LMBRD1: variants seen among roughly 807,000 people sequenced by gnomAD.
The protein encoded by LMBRD1 is lysosomal cobalamin transport escort protein LMBD1.
Under a neutral mutation model 74.8 loss-of-function variants are expected in LMBRD1, and 64 were observed. The ratio of observed to expected loss-of-function variants is 0.86; its 90% CI spans 0.70 to 1.05. The LOEUF is 1.05. Ranked by LOEUF, LMBRD1 falls within the 50% of genes least tolerant of loss-of-function variation. The pLI is 0.00. For missense variants in LMBRD1, 652 were observed against 645.9 expected, an observed-to-expected ratio of 1.01 and a Z score of -0.10; for synonymous variants, 204 against 216.3, an observed-to-expected ratio of 0.94 and a Z score of 0.50.
intron 2 of LMBRD1, among the ~76,000 whole-genome samples, chr6:69,783,329 G>A (rs1205871363): frequency 6.6e-6 from 1 of 152,146 alleles, no homozygotes; most frequent in Admixed American, 6.5e-5. Context: ...TGCTTCTTTA[G>A]TGATTACTTC....
At chr6:69,679,599 G>C (rs1012297003) in intron 14 of LMBRD1, among the ~76,000 whole-genome samples, 2 of 151,994 alleles carry the variant, frequency 1.3e-5, no homozygotes, top group Non-Finnish European at 2.9e-5. Context: ...ATTGAAATCT[G>C]ACAAGATTCC....
Position 69,675,797 on chromosome 6 carries a change from G to A in LMBRD1, c.*361C>T. On this transcript the variant is annotated 3_prime_UTR_variant, in exon 16 of 16. Transcript: ENST00000649934. ...CTTTAAAATTCCACATCACTCTGGA[G>A]AACCTAAGGCACAGATACAGATGAT... 1 of 234,400 alleles carries A rather than the reference G, an allele frequency of 4.3e-6. No individual in the cohort carries two copies. Among genetic ancestry groups the A allele is most frequent in the Non-Finnish European group, 8.5e-6 (1 of 118,038 alleles). The allele number at this position is 234,400 out of a possible 1,614,324, so 14.5% of individuals were successfully genotyped here. A position where few individuals can be genotyped will look rare whatever the true frequency, so the allele number is the denominator to read the frequency against.
chr6:69,768,999 T>C (rs1015975710), intron 3 of LMBRD1, among the ~76,000 whole-genome samples: 3 of 152,142 alleles, frequency 2.0e-5, no homozygotes, highest in Non-Finnish European at 4.4e-5. Flanking sequence ...TAACAATGAT[T>C]TGTCCAGGTC....
chr6:69,708,328 T>A (rs994643779), intron 9 of LMBRD1, among the ~76,000 whole-genome samples: 10 of 152,300 alleles, frequency 6.6e-5, no homozygotes, highest in Middle Eastern at 3.4e-3. Flanking sequence ...ATGGTAGGAT[T>A]TAAGAACTTC....
intron 2 of LMBRD1, among the ~76,000 whole-genome samples, chr6:69,782,512 T>C (rs995353782): frequency 6.6e-6 from 1 of 152,078 alleles, no homozygotes. Flanking sequence ...GGCAGGTGGA[T>C]TGCTTGAGGT....
rs563697548 is a variant in LMBRD1 at position 69,781,911 on chromosome 6, T to C, written c.247-1357A>G. Among the ~76,000 whole-genome samples the C allele has an allele frequency of 2.6e-5, 4 of 152,256 alleles. No homozygotes were observed. The South Asian group carries it at 8.3e-4, about 32-fold the overall frequency. On this transcript the variant is annotated intron_variant, in intron 2 of 15. Coordinates refer to ENST00000649934, the MANE Select transcript of LMBRD1 (RefSeq NM_018368.4). The stretch of plus-strand genomic sequence containing the variant: ...ATTAACATATTGATTCTAAAAATCA[T>C]CTGACAAAACAAGCTAGGGCCAGAA...
chr6:69,709,790 T>C (rs886743393), intron 9 of LMBRD1, among the ~76,000 whole-genome samples: 4 of 152,144 alleles, frequency 2.6e-5, no homozygotes, highest in Admixed American at 1.3e-4. Context: ...TTAAACAACA[T>C]AATTTGCAAG....
rs1447883153 is a variant in LMBRD1, at chr6:69,796,982, G to A, written c.-101C>T. 9.8e-7 allele frequency: 1 copy of A among 1,017,072 alleles called. No homozygotes were observed. Among genetic ancestry groups the A allele is most frequent in the Non-Finnish European group, 1.5e-6 (1 of 666,706 alleles). 63.0% of individuals were successfully genotyped at this position (1,017,072 alleles called of 1,614,324 possible). ...TATACTGCACCCGCGCACCCTAAAG[G>A]TTAAAGGGGCGGAGGGGGAGGAGCA... On this transcript the variant is annotated 5_prime_UTR_variant, in exon 1 of 16. Transcript: ENST00000649934.
intron 14 of LMBRD1, among the ~76,000 whole-genome samples, chr6:69,684,973 G>A (rs1411315490): frequency 1.3e-5 from 2 of 152,084 alleles, no homozygotes; most frequent in African/African-American, 4.8e-5. Flanking sequence ...TTCTACAAAT[G>A]TTTAAGGGAG....
intron 3 of LMBRD1, among the ~76,000 whole-genome samples, chr6:69,754,345 T>C (rs1765227842): frequency 6.6e-6 from 1 of 152,218 alleles, no homozygotes; most frequent in African/African-American, 2.4e-5. Flanking sequence ...AATTACTTAT[T>C]GTGTTGGAAG....
rs1015699912 is a variant in LMBRD1, at chr6:69,736,130, T to C, written c.636+1812A>G. On this transcript the variant is annotated intron_variant, in intron 7 of 15. Coordinates refer to ENST00000649934, the MANE Select transcript of LMBRD1 (RefSeq NM_018368.4). ...CTCATAGTATCTACCAATTGACCAC[T>C]GGGAGACACATCTCCACGCATCTTT... is the stretch of plus-strand genomic sequence containing the variant. Among the ~76,000 whole-genome samples, 5 of 152,190 alleles carry C rather than the reference T, an allele frequency of 3.3e-5. No homozygotes were observed. The East Asian group carries it at 9.6e-4, about 29-fold the overall frequency.
intron 9 of LMBRD1, among the ~76,000 whole-genome samples, chr6:69,708,837 G>C (rs1430893090): frequency 6.6e-6 from 1 of 152,120 alleles, no homozygotes; most frequent in Non-Finnish European, 1.5e-5. Flanking sequence ...ACTTCTCAAA[G>C]GTCTTAAATT....
At chr6:69,692,041 CATT>C (rs1418541686) in intron 14 of LMBRD1, among the ~76,000 whole-genome samples, 3 of 152,090 alleles carry the variant, frequency 2.0e-5, no homozygotes, top group Admixed American at 2.0e-4. Context: ...TTCTTTCTTA[CATT>C]ATTATTTACA....
chr6:69,747,389 C>T (rs139721007), intron 5 of LMBRD1, among the ~76,000 whole-genome samples: 8 of 152,226 alleles, frequency 5.3e-5, no homozygotes, highest in African/African-American at 1.9e-4. Context: ...GACTTCTAAC[C>T]TCCAGAACCA....
At position 69,767,390 on chromosome 6, in the gene LMBRD1, T is replaced by C. The variant is rs563769333; in HGVS notation, c.307+13104A>G. ...CTATATCCCGTAAATTTTGATATGT[T>C]ACATTTTTATTTTCATTCTGTTCAA... On this transcript the variant is annotated intron_variant, in intron 3 of 15. Transcript: ENST00000649934. Among the ~76,000 whole-genome samples, 282 of 151,886 alleles carry C rather than the reference T, an allele frequency of 1.9e-3. 2 individuals are homozygous for C. Among genetic ancestry groups the C allele is most frequent in the Non-Finnish European group, 3.3e-3 (222 of 67,740 alleles).
chr6:69,685,892 T>C (rs559009867), intron 14 of LMBRD1, among the ~76,000 whole-genome samples: 1 of 152,308 alleles, frequency 6.6e-6, no homozygotes, highest in East Asian at 1.9e-4. Context: ...GAAAGTTTGA[T>C]AACCTTTCTT....
intron 9 of LMBRD1, among the ~76,000 whole-genome samples, chr6:69,703,234 T>C (rs1273483928): frequency 6.6e-6 from 1 of 152,064 alleles, no homozygotes; most frequent in African/African-American, 2.4e-5. Flanking sequence ...TATACTTTTT[T>C]TTCTACTGGA....
intron 14 of LMBRD1, among the ~76,000 whole-genome samples, chr6:69,696,720 C>T (rs575167446): frequency 5.5e-4 from 84 of 152,072 alleles, no homozygotes; most frequent in Admixed American, 9.2e-4. Flanking sequence ...GAGTTAATTG[C>T]GTCTTCCTCT....
chr6:69,776,860 A>C (rs1325667202), intron 3 of LMBRD1, among the ~76,000 whole-genome samples: 1 of 152,182 alleles, frequency 6.6e-6, no homozygotes, highest in African/African-American at 2.4e-5. Context: ...GTATTATTTA[A>C]AATGTCCCCA....
Sources: allele counts gnomAD v4.1 joint callset (sites outside exome capture counted in the v4.1 genomes callset), GRCh38; gene constraint gnomAD v4.1.1; transcripts MANE v1.5; gene names NCBI Gene and HGNC (gene_info 2026-07-23, HGNC 2026-07-21).